ANGPT2: variants seen among roughly 807,000 people sequenced by gnomAD.
ANGPT2 encodes angiopoietin-2.
A neutral mutation model predicts 62.9 loss-of-function variants in ANGPT2; 28 were observed. The ratio of observed to expected loss-of-function variants is 0.44; its 90% confidence interval spans 0.33 to 0.61. ANGPT2 has a LOEUF of 0.61. Among genes scored for constraint, ANGPT2 ranks in the 20% least tolerant of loss-of-function variants. ANGPT2 has a pLI of 0.03. For synonymous variants in ANGPT2, 284 were observed against 207.8 expected, an observed-to-expected ratio of 1.37 and a Z score of -3.15; for missense variants, 727 against 594.9, an observed-to-expected ratio of 1.22 and a Z score of -2.31.
At chr8:6,548,474 C>G (rs559768097) in intron 1 of ANGPT2, among the ~76,000 whole-genome samples, 1 of 152,100 alleles carries the variant, frequency 6.6e-6, no homozygotes. Flanking sequence ...CTGCCCAGCT[C>G]GAGGAAAATG....
At position 6,527,628 on chromosome 8, in the gene ANGPT2, G is replaced by A. The variant is rs754043720; in HGVS notation, c.493C>T (p.Leu165Phe). The A allele has an allele frequency of 6.2e-7, 1 of 1,613,852 alleles. No individual in the cohort carries two copies. Among genetic ancestry groups the A allele is most frequent in the Non-Finnish European group, 8.5e-7 (1 of 1,179,934 alleles). The change falls in exon 3 of 9, where the codon CTC becomes TTC. Residue 165 changes from leucine to phenylalanine, a missense_variant. Coordinates refer to ENST00000629816, the MANE Select transcript of ANGPT2 (RefSeq NM_001118887.2). ...RLELQLLEHS[L>F]STNKLEKQIL... ...TGTTTTTCCAATTTGTTTGTCGAGA[G>A]GGAGTGTTCCAAGAGCTGAAGTTCA...
chr8:6,505,307 A>T lies in ANGPT2; in HGVS notation c.1328-2046T>A, dbSNP rs1262469095. Among the ~76,000 whole-genome samples the T allele has an allele frequency of 2.7e-3, 123 of 45,556 alleles. 4 individuals carry two copies. Among genetic ancestry groups the T allele is most frequent in the African/African-American group, 0.012 (98 of 8,176 alleles). 29.9% of individuals were successfully genotyped at this position (45,556 alleles called of 152,430 possible). Reference sequence around the variant, plus strand: ...ATATGTTATATACATATATATGTATATAACATATATATGTTATATACATAT... The same window carrying T: ...ATATGTTATATACATATATATGTATTTAACATATATATGTTATATACATAT... On this transcript the variant is annotated intron_variant, in intron 8 of 8. Transcript: ENST00000629816.
At chr8:6,522,833 A>G (rs1240882282) in intron 3 of ANGPT2, among the ~76,000 whole-genome samples, 2 of 152,062 alleles carry the variant, frequency 1.3e-5, no homozygotes, top group African/African-American at 2.4e-5. Flanking sequence ...CTAAAGTCAC[A>G]CACAGCAGGT....
rs1384967629 is a variant in ANGPT2, at chr8:6,509,056, G to A, written c.1203C>T (p.His401=). 3.1e-6 allele frequency: 5 copies of A among 1,613,806 alleles called. No individual in the cohort carries two copies. The highest frequency in any genetic ancestry group is 4.2e-6 in the Non-Finnish European group (5 of 1,179,892). ...LSSEELNYRI[H]LKGLTGTAGK... is the part of the protein sequence containing the mutation. ...CGGCTGTCCCTGTAAGTCCTTTAAGGTGAATCCTGTAAGCGTGCAAAGAAA... is the reference window on the plus strand; with the variant it reads ...CGGCTGTCCCTGTAAGTCCTTTAAGATGAATCCTGTAAGCGTGCAAAGAAA... The change falls in exon 8 of 9, where the codon CAC becomes CAT. Residue 401 remains histidine, a synonymous_variant. Coordinates refer to ENST00000629816, the MANE Select transcript of ANGPT2 (RefSeq NM_001118887.2).
chr8:6,522,028 C>T (rs1413769047), intron 3 of ANGPT2, among the ~76,000 whole-genome samples: 1 of 152,144 alleles, frequency 6.6e-6, no homozygotes, highest in African/African-American at 2.4e-5. Flanking sequence ...TCACCTAGGT[C>T]ATGGGGTTGG....
At chr8:6,511,893 G>C (rs1388431259) in intron 7 of ANGPT2, among the ~76,000 whole-genome samples, 1 of 135,594 alleles carries the variant, frequency 7.4e-6, no homozygotes, top group Non-Finnish European at 1.6e-5. Flanking sequence ...CTTAATTTTT[G>C]TGCTTCTTTT....
At chr8:6,548,032 G>T (rs1441262428) in intron 1 of ANGPT2, among the ~76,000 whole-genome samples, 3 of 152,046 alleles carry the variant, frequency 2.0e-5, no homozygotes, top group Non-Finnish European at 4.4e-5. Flanking sequence ...CATTTAAGTG[G>T]TCCAAGTGCC....
chr8:6,548,222 C>G (rs888833837), intron 1 of ANGPT2, among the ~76,000 whole-genome samples: 4 of 152,096 alleles, frequency 2.6e-5, no homozygotes, highest in African/African-American at 9.7e-5. Flanking sequence ...AAGTTAGAAC[C>G]TACGTGAAGG....
In ANGPT2 at chr8:6,521,850, T is replaced by G. The variant is rs140642670; in HGVS notation, c.567-440A>C. Among the ~76,000 whole-genome samples the G allele has an allele frequency of 3.2e-3, 488 of 152,332 alleles. 4 individuals are homozygous for G. Among genetic ancestry groups the G allele is most frequent in the African/African-American group, 0.011 (471 of 41,578 alleles). On this transcript the variant is annotated intron_variant, in intron 3 of 8. Transcript: ENST00000629816. ...CTCCTAAACTATTTATATTTTAATATTAATCCTAATGATAATAATAGCACT... is the reference window on the plus strand; with the variant it reads ...CTCCTAAACTATTTATATTTTAATAGTAATCCTAATGATAATAATAGCACT...
In ANGPT2 at chr8:6,513,768, A is replaced by C; in HGVS notation, c.1106T>G (p.Val369Gly). The change falls in exon 7 of 9, where the codon GTG becomes GGG. Residue 369 changes from valine to glycine, a missense_variant. Val to Gly is a moderately radical substitution (Grantham distance 109, BLOSUM62 -3). Coordinates refer to ENST00000629816, the MANE Select transcript of ANGPT2 (RefSeq NM_001118887.2). ...CCAGTCTTTAAGGTGTATTTTAAGC[A>C]CATAGCGTTGCTGATTAGTCAGTTG... Reference protein sequence around the residue: ...VSQLTNQQRYVLKIHLKDWEG... With the variant: ...VSQLTNQQRYGLKIHLKDWEG... The C allele has an allele frequency of 6.2e-7, 1 of 1,614,070 alleles. No homozygotes were observed. The highest frequency in any genetic ancestry group is 8.5e-7 in the Non-Finnish European group (1 of 1,179,982).
intron 1 of ANGPT2, among the ~76,000 whole-genome samples, chr8:6,543,537 C>T (rs904549454): frequency 6.6e-6 from 1 of 152,172 alleles, no homozygotes; most frequent in Non-Finnish European, 1.5e-5. Flanking sequence ...AATAAACCCG[C>T]CCAAACCATA....
intron 7 of ANGPT2, 115 bp from the exon 8 acceptor site, chr8:6,509,177 T>C (rs1814419541): frequency 2.3e-6 from 3 of 1,327,926 alleles, no homozygotes; most frequent in East Asian, 2.3e-5. Flanking sequence ...TACTCGTTAA[T>C]GGACTAATGC....
chr8:6,522,845 G>T (rs1256684126), intron 3 of ANGPT2, among the ~76,000 whole-genome samples: 1 of 152,024 alleles, frequency 6.6e-6, no homozygotes, highest in African/African-American at 2.4e-5. Context: ...ACAGCAGGTG[G>T]CAGGGGCAGA....
chr8:6,521,264 G>T lies in ANGPT2; in HGVS notation c.713C>A (p.Thr238Lys), dbSNP rs567870217. The T allele has an allele frequency of 1.9e-6, 3 of 1,613,880 alleles. No homozygotes were observed. The highest frequency in any genetic ancestry group is 2.5e-6 in the Non-Finnish European group (3 of 1,179,928). The change falls in exon 4 of 9, where the codon ACG (threonine) becomes AAG (lysine). Residue 238 changes from threonine (T) to lysine (K), a missense_variant. Transcript: ENST00000629816. ...EELEKKIVTA[T>K]VNNSVLQKQQ... ...CTTCTGAAGAACTGAATTATTCACC[G>T]TGGCAGTCACTATTTTTTTTTCTAG...
intron 1 of ANGPT2, among the ~76,000 whole-genome samples, chr8:6,555,422 C>T (rs898124965): frequency 1.3e-5 from 2 of 151,368 alleles, no homozygotes; most frequent in Non-Finnish European, 2.9e-5. Context: ...TGTATACTTC[C>T]TCTTGGTTAT....
At chr8:6,519,194 A>G (rs1287416195) in intron 5 of ANGPT2, among the ~76,000 whole-genome samples, 1 of 152,212 alleles carries the variant, frequency 6.6e-6, no homozygotes, top group African/African-American at 2.4e-5. Flanking sequence ...AGCGGTTCTC[A>G]TGGTGTGGAC....
chr8:6,544,361 G>C (rs559138384), intron 1 of ANGPT2, among the ~76,000 whole-genome samples: 1 of 152,238 alleles, frequency 6.6e-6, no homozygotes. Context: ...GACTGTGCTG[G>C]AAAGAGAGAC....
At chr8:6,508,755 C>T (rs537893688) in intron 8 of ANGPT2, 177 bp downstream of exon 8, 27 of 878,866 alleles carry the variant, frequency 3.1e-5, no homozygotes, top group Admixed American at 4.6e-5. Flanking sequence ...CATATTCTCA[C>T]TTAAAACTTA....
chr8:6,505,490 ATTCTT>A, intron 8 of ANGPT2, among the ~76,000 whole-genome samples: 1 of 3,014 alleles, frequency 3.3e-4, no homozygotes, highest in South Asian at 0.031. Flanking sequence ...GAATATATAT[ATTCTT>A]TATATATGTA....
Sources: gnomAD v4.1 joint callset for allele counts (sites outside exome capture counted in the v4.1 genomes callset) on GRCh38, gnomAD v4.1.1 for gene constraint, MANE v1.5 for transcripts, NCBI Gene and HGNC (gene_info 2026-07-23, HGNC 2026-07-21) for gene names.